GRIP1: variants seen among roughly 807,000 people sequenced by gnomAD.
GRIP1 encodes the protein glutamate receptor-interacting protein 1.
A neutral mutation model predicts 129.9 loss-of-function variants in GRIP1; 45 were observed. The ratio of observed to expected loss-of-function variants is 0.35; its 90% confidence interval spans 0.27 to 0.44. The LOEUF (loss-of-function observed/expected upper bound fraction) is 0.44. GRIP1 is among the 20% of genes least tolerant of loss of function. The probability of loss-of-function intolerance (pLI) is 1.00; values close to 1 mark genes in which losing one functional copy is unlikely to be tolerated. For missense variants in GRIP1, 1,196 were observed against 1,396.8 expected (o/e 0.86, Z 2.29); for synonymous variants, 530 against 520.8 (o/e 1.02, Z -0.24).
At chr12:66,584,409 A>AT (rs1489088332) in intron 2 of GRIP1, among the ~76,000 whole-genome samples, 10 of 141,864 alleles carry the variant, frequency 7.0e-5, no homozygotes, top group Non-Finnish European at 1.5e-4. Flanking sequence ...AAGTATAATA[A>AT]AAAAAAATAC....
chr12:66,910,469 G>A (rs1404385955), intron 1 of GRIP1, among the ~76,000 whole-genome samples: 1 of 152,110 alleles, frequency 6.6e-6, no homozygotes, highest in Admixed American at 6.6e-5. Flanking sequence ...CACCAAATCT[G>A]TATTGAAACC....
rs1400170361 is a variant in GRIP1, at chr12:66,605,605, ATTAGCC to A, written c.56-8684_56-8679del. ...CCTGTGTATGTTTGATTATTGAGAA[ATTAGCC>A]TTTAATGCTCTCACCTGTTGCTCTG... On this transcript the variant is annotated intron_variant, in intron 1 of 24. Transcript: ENST00000359742. Among the ~76,000 whole-genome samples, 18 of 152,320 alleles carry A rather than the reference ATTAGCC, an allele frequency of 1.2e-4. No homozygotes were observed. In the East Asian group the frequency reaches 3.3e-3, roughly 28 times the overall value.
intron 7 of GRIP1, among the ~76,000 whole-genome samples, chr12:66,471,793 C>T (rs958551028): frequency 7.2e-5 from 11 of 152,170 alleles, no homozygotes; most frequent in Admixed American, 6.5e-4. Flanking sequence ...TAGTTTCCAA[C>T]ATCTGTTCCC....
intron 1 of GRIP1, among the ~76,000 whole-genome samples, chr12:66,889,121 T>C (rs1013665076): frequency 1.3e-5 from 2 of 152,228 alleles, no homozygotes; most frequent in African/African-American, 4.8e-5. Flanking sequence ...ATTGTAAGTC[T>C]AGTTGTTTGT....
chr12:66,726,600 A>G (rs1201521435), intron 1 of GRIP1, among the ~76,000 whole-genome samples: 1 of 152,222 alleles, frequency 6.6e-6, no homozygotes, highest in African/African-American at 2.4e-5. Flanking sequence ...TAAAAGGTTA[A>G]GCACCTATTT....
At chr12:66,944,902 C>T (rs368726925) in intron 1 of GRIP1, among the ~76,000 whole-genome samples, 250 of 152,280 alleles carry the variant, frequency 1.6e-3, no homozygotes, top group African/African-American at 5.6e-3. Context: ...AGGCAATTCT[C>T]GTGCCTCAGC....
intron 1 of GRIP1, among the ~76,000 whole-genome samples, chr12:66,709,563 GT>G (rs1284332967): frequency 6.6e-6 from 1 of 151,894 alleles, no homozygotes; most frequent in Non-Finnish European, 1.5e-5. Context: ...ATGACAGGGA[GT>G]TGTTCCTAGG....
At chr12:66,646,428 A>T (rs1365192199) in intron 1 of GRIP1, among the ~76,000 whole-genome samples, 1 of 152,222 alleles carries the variant, frequency 6.6e-6, no homozygotes, top group African/African-American at 2.4e-5. Context: ...GTTCGAGACC[A>T]GCCTGGCCAA....
At chr12:66,564,607 A>G (rs929741397) in intron 2 of GRIP1, among the ~76,000 whole-genome samples, 12 of 152,162 alleles carry the variant, frequency 7.9e-5, no homozygotes, top group Admixed American at 2.6e-4. Context: ...GTGTCTTTAT[A>G]GCAGCATGAT....
intron 1 of GRIP1, among the ~76,000 whole-genome samples, chr12:66,932,639 G>A (rs948987126): frequency 6.6e-6 from 1 of 151,818 alleles, no homozygotes; most frequent in African/African-American, 2.4e-5. Flanking sequence ...AAATCAGAGG[G>A]AAAGACTATA....
chr12:66,740,562 A>G (rs1440157792), intron 1 of GRIP1, among the ~76,000 whole-genome samples: 1 of 152,206 alleles, frequency 6.6e-6, no homozygotes, highest in East Asian at 1.9e-4. Context: ...GATGTTGGAA[A>G]AACCACTTAG....
At chr12:66,821,409 A>G (rs2039315926) in intron 1 of GRIP1, among the ~76,000 whole-genome samples, 2 of 152,198 alleles carry the variant, frequency 1.3e-5, no homozygotes, top group African/African-American at 2.4e-5. Context: ...TTATGTTACC[A>G]TGAGTACTCA....
At chr12:66,850,964 A>G (rs2039900574) in intron 1 of GRIP1, among the ~76,000 whole-genome samples, 1 of 148,838 alleles carries the variant, frequency 6.7e-6, no homozygotes, top group Non-Finnish European at 1.5e-5. Context: ...TAATGCAGCT[A>G]AGGTATCTAG....
intron 1 of GRIP1, among the ~76,000 whole-genome samples, chr12:66,783,783 ACT>A (rs1284448134): frequency 2.0e-5 from 3 of 152,000 alleles, no homozygotes; most frequent in African/African-American, 7.3e-5. Flanking sequence ...CAAGTATTGA[ACT>A]CAAGTTTGAG....
upstream of GRIP1, chr12:66,679,283 G>A: frequency 4.9e-6 from 2 of 412,366 alleles, no homozygotes; most frequent in Non-Finnish European, 8.2e-6. Flanking sequence ...GGCAAAAGGC[G>A]ATGTATCCAG....
At chr12:66,806,458 G>A (rs1447614998), upstream of GRIP1, among the ~76,000 whole-genome samples, 4 of 152,120 alleles carry the variant, frequency 2.6e-5, no homozygotes, top group Non-Finnish European at 5.9e-5. Context: ...CAGAGATAAT[G>A]CAGGCAATAA....
intron 2 of GRIP1, among the ~76,000 whole-genome samples, chr12:66,583,196 C>T (rs1219813711): frequency 1.3e-5 from 2 of 150,942 alleles, no homozygotes; most frequent in Admixed American, 1.3e-4. Context: ...GGAAAACTGG[C>T]TAGCCATATG....
intron 1 of GRIP1, among the ~76,000 whole-genome samples, chr12:67,033,232 T>C (rs996848932): frequency 1.3e-5 from 2 of 150,282 alleles, no homozygotes; most frequent in Non-Finnish European, 3.0e-5. Flanking sequence ...AAATTTCCAA[T>C]GTGATGGGTG....
chr12:66,983,313 T>C (rs7968817), intron 1 of GRIP1, among the ~76,000 whole-genome samples: 3 of 152,208 alleles, frequency 2.0e-5, no homozygotes, highest in Non-Finnish European at 2.9e-5. Flanking sequence ...ACAAAAACTA[T>C]AATTTTCCTA....
Sources: allele counts gnomAD v4.1 joint callset (sites outside exome capture counted in the v4.1 genomes callset), GRCh38; gene constraint gnomAD v4.1.1; transcripts MANE v1.5; gene names NCBI Gene and HGNC (gene_info 2026-07-23, HGNC 2026-07-21).